Variants in GADL1 observed in about 807,000 individuals in gnomAD.
GADL1 encodes the protein GAD like acidic amino acid decarboxylase 1, also known as acidic amino acid decarboxylase GADL1.
GADL1 carries 71 observed loss-of-function variants against 69.5 expected under a neutral mutation model. The observed-to-expected ratio is 1.02, with a 90% CI of 0.84 to 1.25. The LOEUF (loss-of-function observed/expected upper bound fraction) is 1.25, where lower values mean the gene tolerates loss of function less well. GADL1 is among the 50% of genes most tolerant of loss of function. The pLI, the probability that GADL1 is intolerant of heterozygous loss-of-function variation, is 0.00. For synonymous variants in GADL1, 254 were observed against 214.4 expected, an observed-to-expected ratio of 1.18 and a Z score of -1.62; for missense variants, 737 against 631.8, an observed-to-expected ratio of 1.17 and a Z score of -1.79.
Position 30,833,782 on chromosome 3 carries a change from A to G in GADL1, c.1050+71T>C, listed in dbSNP as rs1281999845. 2.8e-6 allele frequency: 3 copies of G among 1,085,118 alleles called. No homozygotes were observed. The Admixed American group carries it at 5.3e-5, about 19-fold the overall frequency. 67.2% of individuals were successfully genotyped at this position (1,085,118 alleles called of 1,614,324 possible). ...GCCCAAGTCACCAAGAGATGAGCAA[A>G]AATGAAGCCCTTGGCAAGCACAGTG... On this transcript the variant is annotated intron_variant, in intron 11 of 14. Coordinates refer to ENST00000282538, the MANE Select transcript of GADL1 (RefSeq NM_207359.3).
intron 8 of GADL1, among the ~76,000 whole-genome samples, chr3:30,842,233 A>G (rs545281457): frequency 5.9e-5 from 9 of 152,296 alleles, no homozygotes; most frequent in Admixed American, 4.6e-4. Context: ...TGAAGATTTG[A>G]TATTAAAAAT....
chr3:30,797,817 A>G (rs577110366), intron 12 of GADL1: 2 of 152,224 alleles, frequency 1.3e-5, no homozygotes, highest in South Asian at 4.1e-4. Flanking sequence ...TTTTTTATAA[A>G]TTTATTTTTT....
chr3:30,863,027 T>TCTCACACACACACACACACACA (rs1553603176), intron 1 of GADL1, among the ~76,000 whole-genome samples: 1 of 110,142 alleles, frequency 9.1e-6, no homozygotes, highest in African/African-American at 2.7e-5. Flanking sequence ...CATGTCTGTT[T>TCTCACACACACACACACACACA]CACACACACA....
At chr3:30,751,970 C>T (rs1290507294) in intron 14 of GADL1, among the ~76,000 whole-genome samples, 1 of 151,230 alleles carries the variant, frequency 6.6e-6, no homozygotes, top group Non-Finnish European at 1.5e-5. Flanking sequence ...AGAACAACAG[C>T]AAAGACTTAC....
At chr3:30,857,213 A>G in intron 2 of GADL1, 72 bp from the exon 3 acceptor site, 1 of 1,315,012 alleles carries the variant, frequency 7.6e-7, no homozygotes, top group Non-Finnish European at 1.1e-6. Flanking sequence ...ACAAACGTGG[A>G]CTCTACCATT....
chr3:30,806,294 C>A (rs530070830), intron 11 of GADL1, among the ~76,000 whole-genome samples: 1 of 152,076 alleles, frequency 6.6e-6, no homozygotes, highest in African/African-American at 2.4e-5. Flanking sequence ...TATTGAGGAC[C>A]TATTATATAA....
chr3:30,740,009 C>G (rs1192584855), intron 14 of GADL1, among the ~76,000 whole-genome samples: 1 of 152,142 alleles, frequency 6.6e-6, no homozygotes, highest in Non-Finnish European at 1.5e-5. Context: ...TTGCTCAACA[C>G]TCCTAGTGTT....
chr3:30,768,750 CTG>C (rs1250772352), intron 14 of GADL1, among the ~76,000 whole-genome samples: 1 of 152,164 alleles, frequency 6.6e-6, no homozygotes, highest in Non-Finnish European at 1.5e-5. Context: ...AATTTGATCT[CTG>C]AGAATTTGAC....
chr3:30,746,291 C>G (rs1372884330), intron 14 of GADL1, among the ~76,000 whole-genome samples: 4 of 152,158 alleles, frequency 2.6e-5, no homozygotes. Context: ...CTGCACCCAG[C>G]CTCCATTTCT....
intron 1 of GADL1, among the ~76,000 whole-genome samples, chr3:30,870,613 T>G (rs1698466761): frequency 6.6e-6 from 1 of 151,600 alleles, no homozygotes; most frequent in Non-Finnish European, 1.5e-5. Context: ...GAGAATGAAC[T>G]GTCAAAAGAC....
At chr3:30,800,836 C>CACACACACAG in intron 12 of GADL1, 53 bp downstream of exon 12, 1 of 1,225,236 alleles carries the variant, frequency 8.2e-7, no homozygotes, top group South Asian at 1.3e-5. Context: ...CACACACACA[C>CACACACACAG]ACACACACAC....
chr3:30,869,776 T>TTA (rs1295807697), intron 1 of GADL1, among the ~76,000 whole-genome samples: 8 of 151,918 alleles, frequency 5.3e-5, no homozygotes, highest in African/African-American at 1.9e-4. Flanking sequence ...AAATATTGAA[T>TTA]TGCTACTATG....
At chr3:30,852,734 A>T (rs1325202734) in intron 4 of GADL1, among the ~76,000 whole-genome samples, 3 of 152,166 alleles carry the variant, frequency 2.0e-5, no homozygotes, top group Non-Finnish European at 4.4e-5. Context: ...GATAAGATAG[A>T]ACACACTCAT....
chr3:30,786,286 G>T, intron 13 of GADL1, 69 bp downstream of exon 13: 2 of 927,140 alleles, frequency 2.2e-6, no homozygotes, highest in South Asian at 1.3e-5. Context: ...ACATATAACA[G>T]ATAAGAAAAT....
chr3:30,827,830 A>G (rs1697708054), intron 11 of GADL1, among the ~76,000 whole-genome samples: 1 of 151,972 alleles, frequency 6.6e-6, no homozygotes, highest in Non-Finnish European at 1.5e-5. Flanking sequence ...AGCTCAAGCA[A>G]GAACAGCCCA....
rs769855228 is a variant in GADL1, at chr3:30,844,229, A to G, written c.767T>C (p.Val256Ala). Residue 256 changes from valine (V) to alanine (A), a missense_variant, in exon 8 of 15, where the codon GTC becomes GCC. Val to Ala is a moderately conservative substitution (Grantham distance 64). Coordinates refer to ENST00000282538, the MANE Select transcript of GADL1 (RefSeq NM_207359.3). ...TCTCACCTCTTTTCTGGCTTGCCAG[A>G]CTTGCTTCTCCAGTTCCTCAGGTAT... ...KMIPEELEKQ[V>A]WQARKEGAAP... is the part of the protein sequence containing the mutation. 3 of 1,612,784 alleles carry G rather than the reference A, an allele frequency of 1.9e-6. No individual in the cohort carries two copies. The highest frequency in any genetic ancestry group is 1.7e-5 in the Admixed American group (1 of 59,760).
intron 9 of GADL1, among the ~76,000 whole-genome samples, chr3:30,834,910 C>G (rs1299992652): frequency 6.6e-6 from 1 of 151,930 alleles, no homozygotes; most frequent in Non-Finnish European, 1.5e-5. Context: ...AGGTCTGGAG[C>G]AAAGGGAGAA....
intron 1 of GADL1, among the ~76,000 whole-genome samples, chr3:30,885,831 T>C (rs1040897877): frequency 6.6e-6 from 1 of 152,204 alleles, no homozygotes; most frequent in South Asian, 2.1e-4. Context: ...GGTTTCGAAC[T>C]CCTGATCTCA....
In GADL1 at chr3:30,728,299, G is replaced by A. The variant is rs899677985; in HGVS notation, c.1509C>T (p.Ser503=). ...CCAGGAGGAAGTCCATGTCCTCCCG[G>A]CTCACTTGAGGGCTGATCACCACCT... ...FRQVVISPQV[S]REDMDFLLDE... is the part of the protein sequence containing the mutation. Residue 503 remains serine, a synonymous_variant, in exon 15 of 15, where the codon AGC becomes AGT. Transcript: ENST00000282538. 1 of 1,613,688 alleles carries A rather than the reference G, an allele frequency of 6.2e-7. No homozygotes were observed.
Sources: allele counts gnomAD v4.1 joint callset (sites outside exome capture counted in the v4.1 genomes callset), GRCh38; gene constraint gnomAD v4.1.1; transcripts MANE v1.5; gene names NCBI Gene and HGNC (gene_info 2026-07-23, HGNC 2026-07-21).